UBA7: variants seen among roughly 807,000 people sequenced by gnomAD.
UBA7 encodes ubiquitin like modifier activating enzyme 7.
Under a neutral mutation model 113.0 loss-of-function variants are expected in UBA7, and 88 were observed. The observed-to-expected ratio is 0.78, with a 90% CI of 0.66 to 0.93. UBA7 has a LOEUF of 0.93. Among genes scored for constraint, UBA7 ranks in the 40% least tolerant of loss-of-function variants. The probability of loss-of-function intolerance (pLI) is 0.00; values close to 1 mark genes in which losing one functional copy is unlikely to be tolerated. For synonymous variants in UBA7, 459 were observed against 513.0 expected, an observed-to-expected ratio of 0.89 and a Z score of 1.42; for missense variants, 1,092 against 1,266.4, an observed-to-expected ratio of 0.86 and a Z score of 2.09.
chr3:49,807,985 C>A lies in UBA7; in HGVS notation c.2523+35G>T. 1 of 1,614,040 alleles carries A rather than the reference C, an allele frequency of 6.2e-7. No individual in the cohort carries two copies. Among genetic ancestry groups the A allele is most frequent in the Non-Finnish European group, 8.5e-7 (1 of 1,179,952 alleles). ...AGGCGTAGGGCCAGGGTTTGCCCTC[C>A]ACCTCCAGGCCCAAGCCTCAAGGGG... On this transcript the variant is annotated intron_variant, in intron 20 of 23. Coordinates refer to ENST00000333486, the MANE Select transcript of UBA7 (RefSeq NM_003335.3). This position sits in a 1 kb window ranked among gnomAD's most constrained non-coding sequence, Gnocchi z 4.0.
At chr3:49,806,194 A>G in intron 21 of UBA7, 29 bp from the exon 22 acceptor site, 1 of 1,545,634 alleles carries the variant, frequency 6.5e-7, no homozygotes, top group Non-Finnish European at 8.8e-7. Context: ...GGAGTCAGAG[A>G]CTTCTTACCT....
At chr3:49,808,144 C>T (rs1318401184) in intron 19 of UBA7, 32 bp from the exon 20 acceptor site, 3 of 1,610,752 alleles carry the variant, frequency 1.9e-6, no homozygotes, top group Non-Finnish European at 1.7e-6. Context: ...AGTGTTAACA[C>T]TGCAGCTGTG....
intron 18 of UBA7, 134 bp downstream of exon 18, chr3:49,808,842 G>A: frequency 8.6e-7 from 1 of 1,161,282 alleles, no homozygotes; most frequent in Admixed American, 2.7e-5. Context: ...GAGGAGTGAG[G>A]TTAGGAGGCC....
At chr3:49,806,927 G>A (rs904453292) in intron 21 of UBA7, among the ~76,000 whole-genome samples, 1 of 152,114 alleles carries the variant, frequency 6.6e-6, no homozygotes. Context: ...TAGTCCAGAG[G>A]GACCCCAGGC....
Position 49,813,344 on chromosome 3 carries a change from C to T in UBA7, c.265G>A (p.Glu89Lys), listed in dbSNP as rs780361747. ...SEQDLERSRA[E>K]ASQELLAQLN... ...TGAGCCAAGAGCTCTTGAGAGGCCT[C>T]GGCTCTGCTCCTTTCCAAGTCCTGC... The change falls in exon 3 of 24, where the codon GAG (glutamate) becomes AAG (lysine). Residue 89 changes from glutamate (E) to lysine (K), a missense_variant. By Grantham distance (56) the Glu-to-Lys change is moderately conservative. Coordinates refer to ENST00000333486, the MANE Select transcript of UBA7 (RefSeq NM_003335.3). The T allele has an allele frequency of 8.1e-6, 13 of 1,614,162 alleles. No homozygotes were observed. The highest frequency in any genetic ancestry group is 6.6e-5 in the South Asian group (6 of 91,070).
Position 49,807,705 on chromosome 3 carries a change from TAGGGCTA to T in UBA7, c.2715+24_2715+30del, listed in dbSNP as rs772284493. On this transcript the variant is annotated intron_variant, in intron 21 of 23. Transcript: ENST00000333486. This position sits in a 1 kb window ranked among gnomAD's most constrained non-coding sequence, Gnocchi z 4.0. ...AGGTGCAGGGGAAACCCAGGCCTAGTAGGGCTAAGGGTGGGGTATCATGGGCTCACCG... is the reference window on the plus strand; with the variant it reads ...AGGTGCAGGGGAAACCCAGGCCTAGTAGGGTGGGGTATCATGGGCTCACCG... 2 of 1,571,264 alleles carry T rather than the reference TAGGGCTA, an allele frequency of 1.3e-6. No individual in the cohort carries two copies. The highest frequency in any genetic ancestry group is 1.7e-6 in the Non-Finnish European group (2 of 1,158,016).
rs750663504 is a variant in UBA7, at chr3:49,805,877, A to G, written c.2909+20T>C. On this transcript the variant is annotated intron_variant, in intron 23 of 23. Transcript: ENST00000333486. The stretch of plus-strand genomic sequence containing the variant: ...CTCCAGGGACTGGTGGGGCCTGTCT[A>G]AAGCCCCAAGTGGGCTCACCTGAGG... 3 of 1,548,724 alleles carry G rather than the reference A, an allele frequency of 1.9e-6. No individual in the cohort carries two copies. The highest frequency in any genetic ancestry group is 2.4e-5 in the South Asian group (2 of 83,990).
At position 49,809,686 on chromosome 3, in the gene UBA7, T is replaced by G. The variant is rs774041117; in HGVS notation, c.1944A>C (p.Thr648=). The change falls in exon 16 of 24, where the codon ACA becomes ACC. Residue 648 remains threonine, a synonymous_variant. Coordinates refer to ENST00000333486, the MANE Select transcript of UBA7 (RefSeq NM_003335.3). ...CAAGCACTGGCTTCAGTAAGGTGAGTGTCTGTGGCTCATCCATGTCTGCCA... is the reference window on the plus strand; with the variant it reads ...CAAGCACTGGCTTCAGTAAGGTGAGGGTCTGTGGCTCATCCATGTCTGCCA... ...TSLADMDEPQ[T]LTLLKPVLGV... is the part of the protein sequence containing the mutation. 1 of 1,613,958 alleles carries G rather than the reference T, an allele frequency of 6.2e-7. No homozygotes were observed. The highest frequency in any genetic ancestry group is 8.5e-7 in the Non-Finnish European group (1 of 1,179,994).
Position 49,810,445 on chromosome 3 carries a change from A to G in UBA7, c.1468-17T>C. Reference sequence around the variant, plus strand: ...CTTGGGTCTCTGGGAAGAAGGCAGGAAGATGTTGGGTGGGAAGCTGTATGG... The same window carrying G: ...CTTGGGTCTCTGGGAAGAAGGCAGGGAGATGTTGGGTGGGAAGCTGTATGG... On this transcript the variant is annotated splice_polypyrimidine_tract_variant and intron_variant, in intron 12 of 23. Transcript: ENST00000333486. The surrounding 1 kb of genome is among the most constrained non-coding windows in gnomAD (Gnocchi z 5.6). 6.2e-7 allele frequency: 1 copy of G among 1,613,986 alleles called. No homozygotes were observed. Among genetic ancestry groups the G allele is most frequent in the Non-Finnish European group, 8.5e-7 (1 of 1,179,946 alleles).
At position 49,812,222 on chromosome 3, in the gene UBA7, T is replaced by C; in HGVS notation, c.695-16A>G. ...GACCCATCCTCTGAGGGAGTTCCAG[T>C]CTAGTCAGTAATGATCCTTGAGCCT... On this transcript the variant is annotated splice_polypyrimidine_tract_variant and intron_variant, in intron 6 of 23. Coordinates refer to ENST00000333486, the MANE Select transcript of UBA7 (RefSeq NM_003335.3). The C allele has an allele frequency of 6.2e-7, 1 of 1,614,064 alleles. No homozygotes were observed. The highest frequency in any genetic ancestry group is 8.5e-7 in the Non-Finnish European group (1 of 1,179,922).
intron 17 of UBA7, 100 bp downstream of exon 17, chr3:49,809,290 T>C: frequency 6.5e-7 from 1 of 1,542,214 alleles, no homozygotes; most frequent in Non-Finnish European, 8.8e-7. Context: ...AGCATGGCTC[T>C]CTCTGGGCAT....
intron 3 of UBA7, 36 bp from the exon 4 acceptor site, chr3:49,813,204 T>C (rs749610767): frequency 6.2e-7 from 1 of 1,613,548 alleles, no homozygotes; most frequent in Non-Finnish European, 8.5e-7. Flanking sequence ...GCCAAAACCA[T>C]TGCCCAGCCC....
chr3:49,805,232 G>C lies in UBA7; in HGVS notation c.*76C>G, dbSNP rs1341111151. 7.0e-7 allele frequency: 1 copy of C among 1,422,574 alleles called. No individual in the cohort carries two copies. The highest frequency in any genetic ancestry group is 1.4e-5 in the African/African-American group (1 of 70,878). 88.1% of individuals were successfully genotyped at this position (1,422,574 alleles called of 1,614,324 possible). On this transcript the variant is annotated 3_prime_UTR_variant, in exon 24 of 24. Coordinates refer to ENST00000333486, the MANE Select transcript of UBA7 (RefSeq NM_003335.3). ...CCTTCCTTTAACAAGCATTTATTGA[G>C]TGCCTACTGTGGGCTTACAATGCAG...
chr3:49,805,655 G>A (rs1282703698), intron 23 of UBA7, among the ~76,000 whole-genome samples: 1 of 152,158 alleles, frequency 6.6e-6, no homozygotes, highest in Admixed American at 6.5e-5. Context: ...GCTGTGAAAG[G>A]GGGGCTGTGC....
chr3:49,812,267 T>C (rs2081561708), intron 6 of UBA7, 61 bp from the exon 7 acceptor site: 2 of 1,611,222 alleles, frequency 1.2e-6, no homozygotes, highest in African/African-American at 2.7e-5. Flanking sequence ...CCACACCCCA[T>C]CCTATCTTGC....
In UBA7 at chr3:49,805,385, G is replaced by A. The variant is rs139286220; in HGVS notation, c.2962C>T (p.Arg988Trp). The change falls in exon 24 of 24, where the codon CGG becomes TGG. Residue 988 changes from arginine (R) to tryptophan (W), a missense_variant. Transcript: ENST00000333486. ...CAGCTCAGCTCTAGCACCAACACCC[G>A]CTGCCCAGGAGCAGGTGCCTGGCCT... Reference protein sequence around the residue: ...LTGQAPAPGQRVLVLELSCEG... With the variant: ...LTGQAPAPGQWVLVLELSCEG... 183 of 1,613,802 alleles carry A rather than the reference G, an allele frequency of 1.1e-4. No homozygotes were observed. Among genetic ancestry groups the A allele is most frequent in the Non-Finnish European group, 1.5e-4 (172 of 1,179,956 alleles).
chr3:49,808,377 G>C lies in UBA7; in HGVS notation c.2430+9C>G, dbSNP rs779956373. ...CAGCCCCACTCCTCACTGCCACTTG[G>C]GCACCCACCTTCTCAAACATCAGAG... On this transcript the variant is annotated intron_variant, in intron 19 of 23. Transcript: ENST00000333486. 1.2e-6 allele frequency: 2 copies of C among 1,614,078 alleles called. No individual in the cohort carries two copies. Among genetic ancestry groups the C allele is most frequent in the Non-Finnish European group, 8.5e-7 (1 of 1,180,002 alleles).
Position 49,810,336 on chromosome 3 carries a change from T to C in UBA7, c.1560A>G (p.Thr520=). Residue 520 remains threonine (T), a synonymous_variant, in exon 13 of 24, where the codon ACA becomes ACG. Coordinates refer to ENST00000333486, the MANE Select transcript of UBA7 (RefSeq NM_003335.3). This position sits in a 1 kb window ranked among gnomAD's most constrained non-coding sequence, Gnocchi z 5.6. The part of the protein sequence containing the change: ...IPLTYPLDPT[T]EHIYGDNFFS... Reference sequence around the variant, plus strand: ...AAAAGTTATCCCCATAGATGTGCTCTGTGGTGGGATCCAGTGGGTAGGTGA... The same window carrying C: ...AAAAGTTATCCCCATAGATGTGCTCCGTGGTGGGATCCAGTGGGTAGGTGA... 6.2e-7 allele frequency: 1 copy of C among 1,614,152 alleles called. No individual in the cohort carries two copies. The highest frequency in any genetic ancestry group is 8.5e-7 in the Non-Finnish European group (1 of 1,180,016).
At position 49,805,450 on chromosome 3, in the gene UBA7, G is replaced by A. The variant is rs2081433014; in HGVS notation, c.2910-13C>T. On this transcript the variant is annotated splice_polypyrimidine_tract_variant and intron_variant, in intron 23 of 23. Coordinates refer to ENST00000333486, the MANE Select transcript of UBA7 (RefSeq NM_003335.3). ...CAGTTCTGTCACCCTGGTAGGGGTG[G>A]GTTTAGGGGAGATTGGAGAGGTGAG... is the stretch of plus-strand genomic sequence containing the variant. 2.5e-6 allele frequency: 4 copies of A among 1,610,964 alleles called. No homozygotes were observed. In the East Asian group the frequency reaches 8.9e-5, roughly 36 times the overall value.
Sources: gnomAD v4.1 joint callset for allele counts (sites outside exome capture counted in the v4.1 genomes callset) on GRCh38, gnomAD v4.1.1 for gene constraint, Gnocchi (gnomAD v3.1) non-coding constraint, MANE v1.5 for transcripts, NCBI Gene and HGNC (gene_info 2026-07-23, HGNC 2026-07-21) for gene names.